DYNAP: variants seen among roughly 807,000 people sequenced by gnomAD.
DYNAP encodes the protein dynactin associated protein.
DYNAP carries 7 observed loss-of-function variants against 8.5 expected under a neutral mutation model. That is an observed-to-expected ratio of 0.82 (90% CI 0.47 to 1.54). The LOEUF (loss-of-function observed/expected upper bound fraction) is 1.54, where lower values mean the gene tolerates loss of function less well. DYNAP is among the 40% of genes most tolerant of loss of function. The pLI, the probability that DYNAP is intolerant of heterozygous loss-of-function variation, is 0.01. For missense variants in DYNAP, 256 were observed against 224.3 expected, an observed-to-expected ratio of 1.14 and a Z score of -0.90; for synonymous variants, 77 against 77.9, an observed-to-expected ratio of 0.99 and a Z score of 0.06.
chr18:54,589,440 T>G (rs1056994686), upstream of DYNAP, among the ~76,000 whole-genome samples: 1 of 152,218 alleles, frequency 6.6e-6, no homozygotes, highest in Non-Finnish European at 1.5e-5. Context: ...ATTCAAAGAA[T>G]TGTTCATAAT....
chr18:54,583,270 A>C (rs1381754483), upstream of DYNAP, among the ~76,000 whole-genome samples: 2 of 152,216 alleles, frequency 1.3e-5, no homozygotes, highest in Admixed American at 1.3e-4. Context: ...TGCAGCTCCC[A>C]AACCAGAGAC....
chr18:54,583,524 A>G (rs992569371), upstream of DYNAP, among the ~76,000 whole-genome samples: 1 of 152,188 alleles, frequency 6.6e-6, no homozygotes, highest in Non-Finnish European at 1.5e-5. Flanking sequence ...TTAACTGCCA[A>G]TCCAAATGTC....
the DYNAP span, among the ~76,000 whole-genome samples, chr18:54,575,791 C>T: frequency 6.6e-6 from 1 of 151,892 alleles, no homozygotes; most frequent in Non-Finnish European, 1.5e-5. Flanking sequence ...TCATAAAGTT[C>T]ATTAACATAA....
At chr18:54,584,862 C>T (rs1463572776), upstream of DYNAP, among the ~76,000 whole-genome samples, 1 of 152,064 alleles carries the variant, frequency 6.6e-6, no homozygotes, top group Non-Finnish European at 1.5e-5. Flanking sequence ...AATGGTGTGG[C>T]TGGGGCATGG....
Position 54,597,896 on chromosome 18 carries a change from T to G in DYNAP, c.306T>G (p.Ile102Met). 1 of 1,613,636 alleles carries G rather than the reference T, an allele frequency of 6.2e-7. No individual in the cohort carries two copies. Among genetic ancestry groups the G allele is most frequent in the Non-Finnish European group, 8.5e-7 (1 of 1,179,716 alleles). Residue 102 changes from isoleucine to methionine, a missense_variant, in exon 3 of 3, where the codon ATT becomes ATG. Coordinates refer to ENST00000648945, the MANE Select transcript of DYNAP (RefSeq NM_173629.3). ...TAGCCTGTGTGATAATGACAGCAAT[T>G]GGAGTACTTATAATATGCTTGGTGA... ...CLLACVIMTAIGVLIICLVNN... is the reference protein window; with the variant it reads ...CLLACVIMTAMGVLIICLVNN...
At chr18:54,594,011 C>T (rs866065840) in intron 1 of DYNAP, among the ~76,000 whole-genome samples, 7 of 152,208 alleles carry the variant, frequency 4.6e-5, no homozygotes, top group East Asian at 1.9e-4. Flanking sequence ...TTCTCATGTT[C>T]ACTTTATCTT....
At chr18:54,594,154 T>C (rs1308233433) in intron 1 of DYNAP, among the ~76,000 whole-genome samples, 1 of 152,122 alleles carries the variant, frequency 6.6e-6, no homozygotes, top group Non-Finnish European at 1.5e-5. Flanking sequence ...GACACTAACC[T>C]GTTTTGCCTC....
At chr18:54,585,595 A>G (rs891768141), upstream of DYNAP, among the ~76,000 whole-genome samples, 13 of 152,098 alleles carry the variant, frequency 8.5e-5, no homozygotes, top group Admixed American at 8.5e-4. Context: ...CCAAACTGTC[A>G]CCAGCTTCAT....
chr18:54,589,238 GC>G (rs902493102), upstream of DYNAP, among the ~76,000 whole-genome samples: 5 of 152,026 alleles, frequency 3.3e-5, no homozygotes, highest in Admixed American at 6.6e-5. Context: ...GGAAAAAATG[GC>G]CAGCTATCAG....
chr18:54,589,769 A>G (rs1910999859), upstream of DYNAP, among the ~76,000 whole-genome samples: 1 of 152,174 alleles, frequency 6.6e-6, no homozygotes, highest in Admixed American at 6.5e-5. Flanking sequence ...TTTGCAGAAT[A>G]AAATTGTAGT....
chr18:54,583,361 C>A (rs995848518), upstream of DYNAP, among the ~76,000 whole-genome samples: 1 of 152,210 alleles, frequency 6.6e-6, no homozygotes, highest in Non-Finnish European at 1.5e-5. Context: ...GGAGCCCCCA[C>A]TGCTGGGGTA....
intron 2 of DYNAP, among the ~76,000 whole-genome samples, chr18:54,597,274 T>G (rs983713027): frequency 6.6e-6 from 1 of 151,996 alleles, no homozygotes; most frequent in Non-Finnish European, 1.5e-5. Context: ...TACAGAGGAT[T>G]TTTTAGGGTA....
At position 54,597,979 on chromosome 18, in the gene DYNAP, A is replaced by T. The variant is rs1393892383; in HGVS notation, c.389A>T (p.Glu130Val). The T allele has an allele frequency of 1.9e-6, 3 of 1,613,558 alleles. No homozygotes were observed. Among genetic ancestry groups the T allele is most frequent in the Non-Finnish European group, 1.7e-6 (2 of 1,179,766 alleles). Residue 130 changes from glutamate (E) to valine (V), a missense_variant, in exon 3 of 3, where the codon GAG becomes GTG. Physicochemically the swap from Glu to Val is moderately radical, Grantham distance 121 (BLOSUM62 -2). Coordinates refer to ENST00000648945, the MANE Select transcript of DYNAP (RefSeq NM_173629.3). ...ATCCAGCTATCCACAAATGATGGAG[A>T]GTGTGTGACTGTCAAACCTGGAACA... is the stretch of plus-strand genomic sequence containing the variant. ...IVIQLSTNDG[E>V]CVTVKPGTPS...
chr18:54,592,742 G>GT (rs1262951801), intron 1 of DYNAP, among the ~76,000 whole-genome samples: 2 of 152,130 alleles, frequency 1.3e-5, no homozygotes, highest in Non-Finnish European at 2.9e-5. Context: ...TCCACCTGTA[G>GT]TAAGAGTCAG....
chr18:54,589,318 A>G (rs1448000631), upstream of DYNAP, among the ~76,000 whole-genome samples: 3 of 152,178 alleles, frequency 2.0e-5, no homozygotes, highest in African/African-American at 7.2e-5. Context: ...CCTGCTCAGA[A>G]CAAAGATCCT....
chr18:54,589,808 T>C (rs924143756), upstream of DYNAP, among the ~76,000 whole-genome samples: 1 of 152,118 alleles, frequency 6.6e-6, no homozygotes, highest in Non-Finnish European at 1.5e-5. Context: ...AATTAATATA[T>C]ATTATTGGTT....
At chr18:54,582,497 A>G in the DYNAP span, among the ~76,000 whole-genome samples, 4 of 152,258 alleles carry the variant, frequency 2.6e-5, no homozygotes, top group African/African-American at 9.6e-5. Context: ...TCAGTGGTCA[A>G]TATGTATTTG....
chr18:54,591,184 C>T (rs1364503582), upstream of DYNAP: 2 of 1,602,874 alleles, frequency 1.2e-6, no homozygotes, highest in Admixed American at 1.7e-5. Flanking sequence ...AGTTGACTTC[C>T]ACCAGTGTTT....
chr18:54,583,318 G>A (rs1187648274), upstream of DYNAP, among the ~76,000 whole-genome samples: 1 of 152,014 alleles, frequency 6.6e-6, no homozygotes, highest in African/African-American at 2.4e-5. Context: ...TAAAAGCTAC[G>A]TATTTATTAT....
Sources: gnomAD v4.1 joint callset for allele counts (sites outside exome capture counted in the v4.1 genomes callset) on GRCh38, gnomAD v4.1.1 for gene constraint, MANE v1.5 for transcripts, NCBI Gene and HGNC (gene_info 2026-07-23, HGNC 2026-07-21) for gene names.